Variants in MXI1 observed in about 807,000 individuals in gnomAD.
MXI1 encodes MAX interactor 1, dimerization protein.
In MXI1, 18 loss-of-function variants were observed where a neutral mutation model predicts 36.9. That is an observed-to-expected ratio of 0.49 (90% confidence interval 0.34 to 0.72). MXI1 has a LOEUF of 0.72. Among genes scored for constraint, MXI1 ranks in the 30% least tolerant of loss-of-function variants. The pLI is 0.01. For missense variants in MXI1, 304 were observed against 379.1 expected (o/e 0.80, Z 1.64); for synonymous variants, 160 against 146.7 (o/e 1.09, Z -0.65).
chr10:110,217,702 T>G (rs1854688035), intron 1 of MXI1, among the ~76,000 whole-genome samples: 1 of 152,230 alleles, frequency 6.6e-6, no homozygotes, highest in African/African-American at 2.4e-5. Context: ...GCTCTGTGCT[T>G]GGTGATTCCA....
chr10:110,270,818 G>C (rs551206978), intron 3 of MXI1, among the ~76,000 whole-genome samples: 1 of 152,086 alleles, frequency 6.6e-6, no homozygotes, highest in African/African-American at 2.4e-5. Context: ...GGCCGGTTGC[G>C]GTGGCTCATG....
chr10:110,271,340 A>C (rs1856846428), intron 3 of MXI1, among the ~76,000 whole-genome samples: 1 of 152,178 alleles, frequency 6.6e-6, no homozygotes, highest in Non-Finnish European at 1.5e-5. Context: ...TGAGTTAGAG[A>C]GTCCCAGAAA....
At chr10:110,211,233 T>C (rs535080995) in intron 1 of MXI1, among the ~76,000 whole-genome samples, 2 of 152,298 alleles carry the variant, frequency 1.3e-5, no homozygotes, top group South Asian at 2.1e-4. Context: ...ACACATGGTT[T>C]CCACATGGAG....
chr10:110,238,850 G>T (rs552679604), intron 2 of MXI1, among the ~76,000 whole-genome samples: 30 of 152,096 alleles, frequency 2.0e-4, no homozygotes, highest in Non-Finnish European at 3.1e-4. Context: ...AGATGATGTG[G>T]ACAATTATTG....
chr10:110,226,298 C>A, intron 1 of MXI1: 1 of 1,492,384 alleles, frequency 6.7e-7, no homozygotes, highest in Non-Finnish European at 8.9e-7. Context: ...TGGCTGGGCG[C>A]CGCTGCGTGA....
chr10:110,218,040 C>T (rs1854698098), intron 1 of MXI1, among the ~76,000 whole-genome samples: 1 of 152,158 alleles, frequency 6.6e-6, no homozygotes, highest in Non-Finnish European at 1.5e-5. Context: ...TTCCTAAGGC[C>T]ACAGTCTAAT....
chr10:110,229,406 G>A (rs1255172020), intron 2 of MXI1, among the ~76,000 whole-genome samples: 1 of 152,162 alleles, frequency 6.6e-6, no homozygotes, highest in Non-Finnish European at 1.5e-5. Flanking sequence ...ATTTGGGACA[G>A]CAGATTGGGT....
intron 5 of MXI1, among the ~76,000 whole-genome samples, chr10:110,281,185 T>G (rs905890864): frequency 6.6e-6 from 1 of 152,228 alleles, no homozygotes; most frequent in African/African-American, 2.4e-5. Flanking sequence ...AGCTGTCAAC[T>G]TGTTTCATCT....
chr10:110,235,342 T>C (rs1005563494), intron 2 of MXI1, among the ~76,000 whole-genome samples: 1 of 152,140 alleles, frequency 6.6e-6, no homozygotes, highest in Non-Finnish European at 1.5e-5. Flanking sequence ...CATCTCTGAG[T>C]ACTTTATGGT....
intron 3 of MXI1, among the ~76,000 whole-genome samples, chr10:110,252,638 A>G (rs1010830465): frequency 1.3e-5 from 2 of 152,040 alleles, no homozygotes; most frequent in South Asian, 2.1e-4. Context: ...ATGCTGTCTG[A>G]CTTCTTTCAC....
chr10:110,248,109 A>T (rs1210544691), intron 3 of MXI1, among the ~76,000 whole-genome samples: 2 of 152,262 alleles, frequency 1.3e-5, no homozygotes, highest in Non-Finnish European at 2.9e-5. Flanking sequence ...AAACACAAAC[A>T]CTGCGTGTTC....
chr10:110,264,283 T>C (rs766658394), intron 3 of MXI1, among the ~76,000 whole-genome samples: 1 of 152,212 alleles, frequency 6.6e-6, no homozygotes, highest in African/African-American at 2.4e-5. Context: ...CCTGCTGTAT[T>C]GGGCATTGTA....
At chr10:110,208,752 C>G (rs1029364056) in intron 1 of MXI1, among the ~76,000 whole-genome samples, 4 of 149,224 alleles carry the variant, frequency 2.7e-5, no homozygotes, top group Non-Finnish European at 4.5e-5. Flanking sequence ...CCCCCCCCCC[C>G]CAAAGAAGGA....
intron 5 of MXI1, 68 bp downstream of exon 5, chr10:110,280,153 T>C: frequency 3.7e-6 from 5 of 1,359,940 alleles, no homozygotes; most frequent in Admixed American, 2.4e-5. Context: ...GGAAGGTATG[T>C]TGGGAGGCAC....
chr10:110,208,610 C>CTCGG (rs1430899167), intron 1 of MXI1: 2 of 152,362 alleles, frequency 1.3e-5, no homozygotes, highest in Non-Finnish European at 2.9e-5. Context: ...ACGGCGTGGG[C>CTCGG]TCGGCTCTGT....
chr10:110,283,506 C>T (rs924269488), intron 5 of MXI1, among the ~76,000 whole-genome samples: 13 of 152,000 alleles, frequency 8.6e-5, no homozygotes, highest in Admixed American at 6.6e-4. Flanking sequence ...CCTCGTGATC[C>T]ACCTGCCTCA....
intron 3 of MXI1, among the ~76,000 whole-genome samples, chr10:110,249,843 A>C (rs1033354774): frequency 2.6e-5 from 4 of 152,190 alleles, no homozygotes; most frequent in African/African-American, 9.6e-5. Context: ...AATTATTTTT[A>C]TTGGAGCAAA....
intron 2 of MXI1, among the ~76,000 whole-genome samples, chr10:110,243,763 A>G (rs187889033): frequency 1.2e-4 from 19 of 152,254 alleles, no homozygotes; most frequent in Admixed American, 7.8e-4. Context: ...TAAACCTGTT[A>G]GTCCTTATAA....
chr10:110,249,975 A>G (rs781632708), intron 3 of MXI1, among the ~76,000 whole-genome samples: 1 of 152,138 alleles, frequency 6.6e-6, no homozygotes, highest in Non-Finnish European at 1.5e-5. Flanking sequence ...TAAGGAGATA[A>G]TAGCCACCAA....
Sources: allele counts gnomAD v4.1 joint callset (sites outside exome capture counted in the v4.1 genomes callset), GRCh38; gene constraint gnomAD v4.1.1; transcripts MANE v1.5; gene names NCBI Gene and HGNC (gene_info 2026-07-23, HGNC 2026-07-21).